ACTR3B: variants seen among roughly 807,000 people sequenced by gnomAD.
The protein encoded by ACTR3B is actin related protein 3B.
Under a neutral mutation model 59.0 loss-of-function variants are expected in ACTR3B, and 8 were observed. The ratio of observed to expected loss-of-function variants is 0.14; its 90% confidence interval spans 0.08 to 0.24. ACTR3B has a LOEUF of 0.24. Among genes scored for constraint, ACTR3B ranks in the 10% least tolerant of loss-of-function variants. The pLI is 1.00. For synonymous variants in ACTR3B, 148 were observed against 197.9 expected (o/e 0.75, Z 2.12); for missense variants, 245 against 552.3 (o/e 0.44, Z 5.58).
chr7:152,812,011 A>ATTTTTT (rs1233693098), intron 4 of ACTR3B: 35 of 89,920 alleles, frequency 3.9e-4, no homozygotes, highest in African/African-American at 1.2e-3. Context: ...TTCCCAGAAA[A>ATTTTTT]TAAAAGTCTT....
intron 2 of ACTR3B, among the ~76,000 whole-genome samples, chr7:152,787,681 C>G (rs2948946): frequency 0.012 from 1,831 of 152,130 alleles, 27 homozygotes; most frequent in East Asian, 0.033. Context: ...TTGATCATAT[C>G]GAGGTACCAT....
intron 1 of ACTR3B, among the ~76,000 whole-genome samples, chr7:152,761,231 G>A (rs2098088393): frequency 6.6e-6 from 1 of 152,094 alleles, no homozygotes; most frequent in Non-Finnish European, 1.5e-5. Context: ...CAGCGTTGTC[G>A]ATACTACAGC....
At chr7:152,814,870 C>T (rs1266276473) in intron 5 of ACTR3B, among the ~76,000 whole-genome samples, 1 of 152,072 alleles carries the variant, frequency 6.6e-6, no homozygotes, top group Non-Finnish European at 1.5e-5. Context: ...GCTCTTTTTA[C>T]GTGCATTAAA....
intron 2 of ACTR3B, among the ~76,000 whole-genome samples, chr7:152,795,166 C>T (rs1343858368): frequency 1.3e-5 from 2 of 152,104 alleles, no homozygotes; most frequent in African/African-American, 4.8e-5. Flanking sequence ...TCCTGAATAG[C>T]TGGGATTACA....
At position 152,824,273 on chromosome 7, in the gene ACTR3B, AAAT is replaced by A. The variant is rs942194670; in HGVS notation, c.859-750_859-748del. Among the ~76,000 whole-genome samples the A allele has an allele frequency of 2.0e-5, 3 of 152,250 alleles. No individual in the cohort carries two copies. The highest frequency in any genetic ancestry group is 2.9e-5 in the Non-Finnish European group (2 of 68,046). On this transcript the variant is annotated intron_variant, in intron 8 of 11. Transcript: ENST00000256001. The surrounding 1 kb of genome is among the most constrained non-coding windows in gnomAD (Gnocchi z 4.2). ...TTCCTCGCTAGTAATCTGAATAATAAAATAATAATGATAATCTAGTGAATGCTC... is the reference window on the plus strand; with the variant it reads ...TTCCTCGCTAGTAATCTGAATAATAAAATAATGATAATCTAGTGAATGCTC...
chr7:152,764,429 C>T lies in ACTR3B; in HGVS notation c.44+4503C>T, dbSNP rs535814698. Reference sequence around the variant, plus strand: ...GGATCACGACCCGTGGTCAGGAGATCGAGACCATCCTGGCTAACACGGTGA... The same window carrying T: ...GGATCACGACCCGTGGTCAGGAGATTGAGACCATCCTGGCTAACACGGTGA... On this transcript the variant is annotated intron_variant, in intron 1 of 11. Coordinates refer to ENST00000256001, the MANE Select transcript of ACTR3B (RefSeq NM_020445.6). 4.0e-5 allele frequency among the ~76,000 whole-genome samples: 6 copies of T among 151,818 alleles called. No individual in the cohort carries two copies. In the East Asian group the frequency reaches 9.8e-4, roughly 25 times the overall value.
intron 4 of ACTR3B, among the ~76,000 whole-genome samples, chr7:152,805,019 C>T (rs1163653756): frequency 2.7e-5 from 4 of 147,690 alleles, no homozygotes; most frequent in African/African-American, 5.2e-5. Flanking sequence ...GGAGTTATTT[C>T]GCCTGCTCTC....
At chr7:152,818,604 C>T (rs1213852598) in intron 6 of ACTR3B, among the ~76,000 whole-genome samples, 8 of 152,196 alleles carry the variant, frequency 5.3e-5, no homozygotes, top group East Asian at 1.9e-4. Context: ...GCATGCGCCA[C>T]CATGCCTGAC....
chr7:152,772,950 C>T (rs1346914667), intron 1 of ACTR3B, among the ~76,000 whole-genome samples: 6 of 143,562 alleles, frequency 4.2e-5, no homozygotes, highest in South Asian at 2.1e-4. Context: ...TGCTAATTGT[C>T]GTATCTTTCA....
At chr7:152,840,839 G>A (rs1259362648) in intron 9 of ACTR3B, among the ~76,000 whole-genome samples, 3 of 12,792 alleles carry the variant, frequency 2.3e-4, no homozygotes, top group Admixed American at 7.4e-4. Context: ...TTAGGGCCGG[G>A]CGGTTCAGGG....
Position 152,823,507 on chromosome 7 carries a change from C to A in ACTR3B, c.850C>A (p.His284Asn), listed in dbSNP as rs754318815. 6.2e-7 allele frequency: 1 copy of A among 1,613,956 alleles called. No homozygotes were observed. The highest frequency in any genetic ancestry group is 1.3e-5 in the African/African-American group (1 of 74,910). Residue 284 changes from histidine (H) to asparagine (N), a missense_variant, in exon 8 of 12, where the codon CAC becomes AAC. Transcript: ENST00000256001. ...ATTCCTGGGACCTGAAATATTCTTT[C>A]ACCCGGAGGTGAGATGTTTCCTTTT... The part of the protein sequence containing the change: ...ERFLGPEIFF[H>N]PEFANPDFME...
intron 9 of ACTR3B, among the ~76,000 whole-genome samples, chr7:152,843,909 C>A (rs1243562253): frequency 6.6e-6 from 1 of 152,156 alleles, no homozygotes; most frequent in African/African-American, 2.4e-5. Flanking sequence ...CTCTCAGATG[C>A]TCCCCGCTCC....
chr7:152,850,523 C>T (rs566902045), intron 9 of ACTR3B, among the ~76,000 whole-genome samples: 14 of 152,392 alleles, frequency 9.2e-5, no homozygotes, highest in African/African-American at 2.9e-4. Flanking sequence ...AATGGAAGGC[C>T]GGATCACTGG....
At chr7:152,841,794 G>A (rs183533198) in intron 9 of ACTR3B, among the ~76,000 whole-genome samples, 4,363 of 152,182 alleles carry the variant, frequency 0.029, 81 homozygotes, top group Middle Eastern at 0.099. Flanking sequence ...TTAAGTCCCC[G>A]ATGCCACCTT....
rs1799043604 is a variant in ACTR3B at position 152,853,844 on chromosome 7, G to A, written c.1161+267G>A. Among the ~76,000 whole-genome samples the A allele has an allele frequency of 1.3e-5, 2 of 152,072 alleles. 1 individual carries two copies. On this transcript the variant is annotated intron_variant, in intron 11 of 11. Coordinates refer to ENST00000256001, the MANE Select transcript of ACTR3B (RefSeq NM_020445.6). ...CAATTCTCCAGCCTCAGCCTCCTGA[G>A]TAGCTGGGACTACAGGCGTTCACCA...
chr7:152,828,442 C>T (rs1796754448), intron 9 of ACTR3B, among the ~76,000 whole-genome samples: 1 of 152,290 alleles, frequency 6.6e-6, no homozygotes, highest in Admixed American at 6.5e-5. Flanking sequence ...AGGTTCGCTC[C>T]TGCTCGGTGC....
intron 7 of ACTR3B, among the ~76,000 whole-genome samples, chr7:152,821,472 G>GAAGA (rs1796148891): frequency 7.3e-6 from 1 of 136,114 alleles, no homozygotes. Context: ...TTTCAAAAAA[G>GAAGA]AAAAAAAAAA....
At chr7:152,852,338 G>C (rs1798879134) in intron 10 of ACTR3B, 87 bp downstream of exon 10, 4 of 1,473,780 alleles carry the variant, frequency 2.7e-6, no homozygotes, top group Non-Finnish European at 3.6e-6. Context: ...GAAGGAGCTT[G>C]TCTGGGCCGC....
At chr7:152,844,122 A>G (rs1798080595) in intron 9 of ACTR3B, among the ~76,000 whole-genome samples, 1 of 152,212 alleles carries the variant, frequency 6.6e-6, no homozygotes, top group Non-Finnish European at 1.5e-5. Context: ...TAATGGTGCC[A>G]TCTCGGCTCA....
Sources: allele counts gnomAD v4.1 joint callset (sites outside exome capture counted in the v4.1 genomes callset), GRCh38; gene constraint gnomAD v4.1.1; non-coding constraint Gnocchi (gnomAD v3.1); transcripts MANE v1.5; gene names NCBI Gene and HGNC (gene_info 2026-07-23, HGNC 2026-07-21).